JADE2: variants seen among roughly 807,000 people sequenced by gnomAD.
The protein encoded by JADE2 is jade family PHD finger 2, also known as E3 ubiquitin-protein ligase Jade-2.
Under a neutral mutation model 85.7 loss-of-function variants are expected in JADE2, and 13 were observed. That is an observed-to-expected ratio of 0.15 (90% CI 0.10 to 0.24). The LOEUF (loss-of-function observed/expected upper bound fraction) is 0.24, where lower values mean the gene tolerates loss of function less well. JADE2 is among the 10% of genes least tolerant of loss of function. The pLI, the probability that JADE2 is intolerant of heterozygous loss-of-function variation, is 1.00. For synonymous variants in JADE2, 440 were observed against 456.1 expected, an observed-to-expected ratio of 0.96 and a Z score of 0.45; for missense variants, 846 against 1,115.9, an observed-to-expected ratio of 0.76 and a Z score of 3.45.
intron 4 of JADE2, among the ~76,000 whole-genome samples, chr5:134,559,380 G>T (rs1263797278): frequency 5.3e-5 from 8 of 152,176 alleles, no homozygotes; most frequent in African/African-American, 1.9e-4. Flanking sequence ...AATCCAGCTG[G>T]CACTACCTCA....
intron 9 of JADE2, among the ~76,000 whole-genome samples, chr5:134,572,433 G>A (rs1304155914): frequency 6.6e-6 from 1 of 152,256 alleles, no homozygotes; most frequent in African/African-American, 2.4e-5. Context: ...AGAGAGGTCT[G>A]ATCTTGGCTG....
chr5:134,526,906 G>T, intron 1 of JADE2: 1 of 371,520 alleles, frequency 2.7e-6, no homozygotes, highest in Non-Finnish European at 3.7e-6. Flanking sequence ...CGGCGGGTGC[G>T]CGCCCGCGGG....
intron 6 of JADE2, 59 bp downstream of exon 6, chr5:134,561,016 C>A: frequency 6.8e-7 from 1 of 1,478,200 alleles, no homozygotes; most frequent in East Asian, 2.3e-5. Context: ...TGCCTGGCAG[C>A]GACCCCCACT....
upstream of JADE2, among the ~76,000 whole-genome samples, chr5:134,524,039 G>A (rs1244720022): frequency 6.6e-6 from 1 of 152,192 alleles, no homozygotes; most frequent in Admixed American, 6.5e-5. Flanking sequence ...CAAAGCCAAA[G>A]GTGAGCTGAA....
At chr5:134,553,165 CT>C (rs1297741423) in intron 4 of JADE2, among the ~76,000 whole-genome samples, 11 of 151,654 alleles carry the variant, frequency 7.3e-5, no homozygotes, top group African/African-American at 2.7e-4. Context: ...GAGACAAGGT[CT>C]TGCTATGTTG....
chr5:134,524,178 T>C (rs1760676946), upstream of JADE2: 1 of 152,144 alleles, frequency 6.6e-6, no homozygotes, highest in African/African-American at 2.4e-5. Flanking sequence ...CCTCCCCAGC[T>C]AGAGGCATTC....
chr5:134,573,852 T>TGG, intron 10 of JADE2, 90 bp downstream of exon 10: 1 of 857,612 alleles, frequency 1.2e-6, no homozygotes, highest in Non-Finnish European at 2.0e-6. Flanking sequence ...TGGATCCTGG[T>TGG]GGGGGTATGT....
At position 134,559,874 on chromosome 5, in the gene JADE2, G is replaced by A. The variant is rs1315536543; in HGVS notation, c.356G>A (p.Ser119Asn). 6.2e-7 allele frequency: 1 copy of A among 1,613,870 alleles called. No individual in the cohort carries two copies. Among genetic ancestry groups the A allele is most frequent in the East Asian group, 2.2e-5 (1 of 44,870 alleles). The change falls in exon 5 of 12, where the codon AGC becomes AAC. Residue 119 changes from serine (S) to asparagine (N), a missense_variant. Ser to Asn is a conservative substitution (Grantham distance 46, BLOSUM62 1). This residue lies in a region of JADE2 where 78 missense variants were observed against 64.9 expected (regional missense o/e 1.20). Coordinates refer to ENST00000681547, the MANE Select transcript of JADE2 (RefSeq NM_001388185.1). The part of the protein sequence containing the change: ...LEGPPAQASP[S>N]STMLGEGSQP... ...GGCCCCCCTGCCCAGGCATCCCCGA[G>A]CAGCACCATGCTTGGTGAGGGCTCC...
intron 9 of JADE2, among the ~76,000 whole-genome samples, chr5:134,571,944 C>A (rs1764049681): frequency 1.3e-5 from 2 of 152,222 alleles, no homozygotes; most frequent in African/African-American, 2.4e-5. Flanking sequence ...TTGCTCAGCA[C>A]CCCCAAGTGT....
At chr5:134,544,382 C>T (rs1762166164) in intron 3 of JADE2, 2 of 165,792 alleles carry the variant, frequency 1.2e-5, no homozygotes, top group Non-Finnish European at 1.5e-5. Flanking sequence ...CCAAAACACC[C>T]AGGCTTTGCC....
intron 1 of JADE2, among the ~76,000 whole-genome samples, chr5:134,534,139 G>T (rs1164412450): frequency 6.6e-6 from 1 of 152,138 alleles, no homozygotes; most frequent in Admixed American, 6.5e-5. Context: ...CAAGAGCACG[G>T]TCTCCTGAAT....
chr5:134,581,996 A>G lies in JADE2; in HGVS notation c.*2679A>G. The G allele has an allele frequency of 6.6e-6, 1 of 152,128 alleles. No homozygotes were observed. The highest frequency in any genetic ancestry group is 1.9e-4 in the East Asian group (1 of 5,190). 9.4% of individuals were successfully genotyped at this position (152,128 alleles called of 1,614,324 possible). A position where few individuals can be genotyped will look rare whatever the true frequency, so the allele number is the denominator to read the frequency against. On this transcript the variant is annotated 3_prime_UTR_variant, in exon 12 of 12. Transcript: ENST00000681547. ...GCTTTGCTGTCCCTGAGACTGAGGCAGGTTCCTTTTCCAGGTCAGAGGTGG... is the reference window on the plus strand; with the variant it reads ...GCTTTGCTGTCCCTGAGACTGAGGCGGGTTCCTTTTCCAGGTCAGAGGTGG...
chr5:134,577,606 G>A (rs545808413), intron 11 of JADE2, among the ~76,000 whole-genome samples: 6 of 152,202 alleles, frequency 3.9e-5, no homozygotes, highest in South Asian at 4.1e-4. Flanking sequence ...TGGGAGGATC[G>A]CTTGAGCCCA....
In JADE2 at chr5:134,578,815, C is replaced by A; in HGVS notation, c.2003C>A (p.Ala668Asp). The change falls in exon 12 of 12, where the codon GCC becomes GAC. Residue 668 changes from alanine (A) to aspartate (D), a missense_variant. Physicochemically the swap from Ala to Asp is moderately radical, Grantham distance 126 (BLOSUM62 -2). Transcript: ENST00000681547. This position sits in a 1 kb window ranked among gnomAD's most constrained non-coding sequence, Gnocchi z 4.4. ...GPGSRTTPDKAPKKTWGQDAG... is the reference protein window; with the variant it reads ...GPGSRTTPDKDPKKTWGQDAG... The stretch of plus-strand genomic sequence containing the variant: ...GGTTCACGGACGACTCCAGACAAAG[C>A]CCCCAAGAAGACCTGGGGCCAGGAT... 6.2e-7 allele frequency: 1 copy of A among 1,613,770 alleles called. No individual in the cohort carries two copies. Among genetic ancestry groups the A allele is most frequent in the South Asian group, 1.1e-5 (1 of 91,082 alleles).
intron 9 of JADE2, among the ~76,000 whole-genome samples, chr5:134,571,505 TG>T (rs1035714162): frequency 2.0e-5 from 3 of 152,166 alleles, no homozygotes; most frequent in East Asian, 3.8e-4. Context: ...AAGACTAGCC[TG>T]GCCAACATGG....
In JADE2 at chr5:134,566,681, C is replaced by CA; in HGVS notation, c.1434+104dup. ...GGAGCAGCTAGGACTCACCAGGACTCAAACTGTGAGCTCTGGTGGACCGGC... is the reference window on the plus strand; with the variant it reads ...GGAGCAGCTAGGACTCACCAGGACTCAAAACTGTGAGCTCTGGTGGACCGGC... On this transcript the variant is annotated intron_variant, in intron 9 of 11. Coordinates refer to ENST00000681547, the MANE Select transcript of JADE2 (RefSeq NM_001388185.1). The surrounding 1 kb of genome is among the most constrained non-coding windows in gnomAD (Gnocchi z 6.7). 1.1e-6 allele frequency: 1 copy of CA among 909,440 alleles called. No homozygotes were observed. Among genetic ancestry groups the CA allele is most frequent in the African/African-American group, 1.7e-5 (1 of 59,800 alleles). 56.3% of individuals were successfully genotyped at this position (909,440 alleles called of 1,614,324 possible).
chr5:134,526,222 CGTGTTTTA>C, intron 1 of JADE2: 1 of 985,382 alleles, frequency 1.0e-6, no homozygotes, highest in South Asian at 4.7e-5. Flanking sequence ...GTTGGTCAGT[CGTGTTTTA>C]AAGAGTACAG....
intron 10 of JADE2, among the ~76,000 whole-genome samples, chr5:134,575,898 A>T (rs574480338): frequency 1.3e-5 from 2 of 151,236 alleles, no homozygotes; most frequent in South Asian, 4.2e-4. Flanking sequence ...GTCTCTAAAA[A>T]ATAAATAAAT....
At chr5:134,553,567 T>C in intron 4 of JADE2, among the ~76,000 whole-genome samples, 1 of 152,060 alleles carries the variant, frequency 6.6e-6, no homozygotes, top group East Asian at 1.9e-4. Flanking sequence ...TTAGCCAGGC[T>C]GGTCTCGAGC....
Sources: gnomAD v4.1 joint callset for allele counts (sites outside exome capture counted in the v4.1 genomes callset) on GRCh38, gnomAD v4.1.1 for gene constraint, gnomAD v4.1.1 regional missense constraint, Gnocchi (gnomAD v3.1) non-coding constraint, MANE v1.5 for transcripts, NCBI Gene and HGNC (gene_info 2026-07-23, HGNC 2026-07-21) for gene names.